Variants in PLEKHG1 observed in about 807,000 individuals in gnomAD.
PLEKHG1 encodes pleckstrin homology domain-containing family G member 1.
Under a neutral mutation model 100.8 loss-of-function variants are expected in PLEKHG1, and 44 were observed. That is an observed-to-expected ratio of 0.44 (90% CI 0.34 to 0.56). The LOEUF (loss-of-function observed/expected upper bound fraction) is 0.56, where lower values mean the gene tolerates loss of function less well. Among genes scored for constraint, PLEKHG1 ranks in the 20% least tolerant of loss-of-function variants. The probability of loss-of-function intolerance (pLI) is 0.01; values close to 1 mark genes in which losing one functional copy is unlikely to be tolerated. For missense variants in PLEKHG1, 1,545 were observed against 1,720.9 expected (o/e 0.90, Z 1.81); for synonymous variants, 640 against 662.5 (o/e 0.97, Z 0.52).
At chr6:150,687,639 G>A (rs1414624761) in intron 3 of PLEKHG1, among the ~76,000 whole-genome samples, 1 of 152,112 alleles carries the variant, frequency 6.6e-6, no homozygotes, top group Non-Finnish European at 1.5e-5. Flanking sequence ...TGGTCTTGCC[G>A]ACGATGGACC....
chr6:150,824,547 G>C (rs945904355), intron 14 of PLEKHG1, among the ~76,000 whole-genome samples: 20 of 151,090 alleles, frequency 1.3e-4, no homozygotes, highest in African/African-American at 4.9e-4. Context: ...TTTGAGACTG[G>C]ATCTCGCTCT....
Position 150,667,998 on chromosome 6 carries a change from A to G in PLEKHG1, c.-99+17212A>G, listed in dbSNP as rs527629772. On this transcript the variant is annotated intron_variant, in intron 3 of 3. Coordinates refer to the PLEKHG1 transcript ENST00000367326. ...GCAGAAGGTTTGAAGATTATCTTGT[A>G]TACAAGGGCGGCTAAAATACGTGCA... Among the ~76,000 whole-genome samples, 15 of 152,358 alleles carry G rather than the reference A, an allele frequency of 9.8e-5. No individual in the cohort carries two copies. The South Asian group carries it at 2.5e-3, about 25-fold the overall frequency.
At chr6:150,756,622 T>A (rs1315008507) in intron 2 of PLEKHG1, among the ~76,000 whole-genome samples, 3 of 152,224 alleles carry the variant, frequency 2.0e-5, no homozygotes, top group African/African-American at 7.2e-5. Flanking sequence ...TTGAGGGGCA[T>A]TACCAATCTA....
intron 1 of PLEKHG1, among the ~76,000 whole-genome samples, chr6:150,730,423 G>A (rs988104722): frequency 3.0e-4 from 45 of 152,118 alleles, no homozygotes; most frequent in African/African-American, 1.0e-3. Flanking sequence ...TAAGGATCGT[G>A]CAACCTAGAT....
chr6:150,804,810 T>C (rs1583164798), intron 7 of PLEKHG1, 69 bp downstream of exon 8: 5 of 1,489,562 alleles, frequency 3.4e-6, no homozygotes, highest in African/African-American at 1.4e-5. Flanking sequence ...CCCAATAAAA[T>C]ATTAAGGCTG....
chr6:150,611,913 G>A (rs1220538549), intron 1 of PLEKHG1, among the ~76,000 whole-genome samples: 1 of 151,898 alleles, frequency 6.6e-6, no homozygotes, highest in Non-Finnish European at 1.5e-5. Flanking sequence ...TTCAAAATAA[G>A]TCAAGAGAAA....
At chr6:150,748,243 T>G (rs900759647) in intron 2 of PLEKHG1, among the ~76,000 whole-genome samples, 1 of 152,244 alleles carries the variant, frequency 6.6e-6, no homozygotes, top group Non-Finnish European at 1.5e-5. Context: ...GAGTAATATT[T>G]CATTGTGTGT....
intron 14 of PLEKHG1, among the ~76,000 whole-genome samples, chr6:150,824,588 C>A (rs1282416958): frequency 6.6e-6 from 1 of 151,294 alleles, no homozygotes. Context: ...GTGGTGCAAT[C>A]TCAGTTCACT....
intron 3 of PLEKHG1, among the ~76,000 whole-genome samples, chr6:150,779,348 T>G (rs74295840): frequency 0.05 from 3,650 of 73,026 alleles, 420 homozygotes; most frequent in African/African-American, 0.37. Context: ...CAAGAAGTTT[T>G]TTTTTTTTTT....
rs1011923432 is a variant in PLEKHG1 at position 150,683,732 on chromosome 6, G to A, written c.-99+32946G>A. 26 of 1,241,746 alleles carry A rather than the reference G, an allele frequency of 2.1e-5. No individual in the cohort carries two copies. The highest frequency in any genetic ancestry group is 1.2e-4 in the African/African-American group (8 of 64,016). The allele number at this position is 1,241,746 out of a possible 1,614,324, so 76.9% of individuals were successfully genotyped here. Reference sequence around the variant, plus strand: ...TTGACACACGGACCCCTCTGCGCTAGTATCCAGGGCATAGGACGTCTGAAG... The same window carrying A: ...TTGACACACGGACCCCTCTGCGCTAATATCCAGGGCATAGGACGTCTGAAG... On this transcript the variant is annotated intron_variant, in intron 3 of 3. Coordinates refer to the PLEKHG1 transcript ENST00000367326. This position sits in a 1 kb window ranked among gnomAD's most constrained non-coding sequence, Gnocchi z 4.0.
intron 14 of PLEKHG1, among the ~76,000 whole-genome samples, chr6:150,825,504 C>CAGGAAGCA (rs369046824): frequency 0.02 from 3,039 of 152,172 alleles, 98 homozygotes; most frequent in African/African-American, 0.067. Context: ...TCACTTCGGC[C>CAGGAAGCA]GAAGTTGTAA....
exon 16 of PLEKHG1, chr6:150,840,950 A>G (rs1777501927): frequency 7.5e-6 from 10 of 1,327,822 alleles, no homozygotes; most frequent in Non-Finnish European, 1.1e-5. Context: ...ATAAAACGTT[A>G]CAGATACTGA....
At chr6:150,681,724 G>A (rs952409116) in intron 3 of PLEKHG1, among the ~76,000 whole-genome samples, 1 of 152,046 alleles carries the variant, frequency 6.6e-6, no homozygotes, top group African/African-American at 2.4e-5. Flanking sequence ...CAGAGTCCCG[G>A]TGGTGTCTGA....
intron 3 of PLEKHG1, among the ~76,000 whole-genome samples, chr6:150,769,841 A>G (rs1339202378): frequency 1.3e-5 from 2 of 151,994 alleles, no homozygotes; most frequent in Non-Finnish European, 2.9e-5. Context: ...CCTTTTTCTC[A>G]TGGCACTCGT....
At chr6:150,724,529 A>G (rs9322280) in intron 1 of PLEKHG1, among the ~76,000 whole-genome samples, 137,833 of 150,400 alleles carry the variant, frequency 0.92, 63,286 homozygotes, top group Non-Finnish European at 0.93. Flanking sequence ...AAGCCTTTAG[A>G]GAATTTCTTT....
At chr6:150,790,739 C>T (rs1435396203) in intron 4 of PLEKHG1, among the ~76,000 whole-genome samples, 1 of 152,024 alleles carries the variant, frequency 6.6e-6, no homozygotes, top group Non-Finnish European at 1.5e-5. Flanking sequence ...AAGAATATCT[C>T]GGCCGGGCAT....
chr6:150,682,535 CA>C (rs1215281375), intron 3 of PLEKHG1, among the ~76,000 whole-genome samples: 2 of 152,040 alleles, frequency 1.3e-5, no homozygotes, highest in Admixed American at 6.5e-5. Context: ...TGAAACCAAG[CA>C]GGAAGGCAGA....
At chr6:150,710,069 C>T (rs561520193) in intron 3 of PLEKHG1, among the ~76,000 whole-genome samples, 1 of 152,226 alleles carries the variant, frequency 6.6e-6, no homozygotes, top group African/African-American at 2.4e-5. Flanking sequence ...AACATAATTC[C>T]TCAAAACTCT....
intron 3 of PLEKHG1, among the ~76,000 whole-genome samples, chr6:150,671,068 A>G (rs564922801): frequency 5.3e-4 from 79 of 148,044 alleles, no homozygotes; most frequent in African/African-American, 1.9e-3. Flanking sequence ...ACTCCTTTTT[A>G]TGGTTACATA....
Sources: allele counts gnomAD v4.1 joint callset (sites outside exome capture counted in the v4.1 genomes callset), GRCh38; gene constraint gnomAD v4.1.1; non-coding constraint Gnocchi (gnomAD v3.1); transcripts MANE v1.5; gene names NCBI Gene and HGNC (gene_info 2026-07-23, HGNC 2026-07-21).